Variants in ANKS1B observed in about 807,000 individuals in gnomAD.
ANKS1B encodes ankyrin repeat and sterile alpha motif domain-containing protein 1B.
In ANKS1B, 36 loss-of-function variants were observed where a neutral mutation model predicts 148.3. The ratio of observed to expected loss-of-function variants is 0.24; its 90% CI spans 0.19 to 0.32. The LOEUF (loss-of-function observed/expected upper bound fraction) is 0.32, where lower values mean the gene tolerates loss of function less well. Among genes scored for constraint, ANKS1B ranks in the 10% least tolerant of loss-of-function variants. The probability of loss-of-function intolerance (pLI) is 1.00; values close to 1 mark genes in which losing one functional copy is unlikely to be tolerated. For missense variants in ANKS1B, 1,157 were observed against 1,542.6 expected, an observed-to-expected ratio of 0.75 and a Z score of 4.19; for synonymous variants, 542 against 560.8, an observed-to-expected ratio of 0.97 and a Z score of 0.47.
At chr12:99,557,953 T>C (rs957917082) in intron 9 of ANKS1B, among the ~76,000 whole-genome samples, 4 of 152,194 alleles carry the variant, frequency 2.6e-5, no homozygotes, top group African/African-American at 9.6e-5. Context: ...TGCTGGGCTG[T>C]GTGCTCTAAC....
At chr12:99,557,294 T>C (rs548637918) in intron 9 of ANKS1B, among the ~76,000 whole-genome samples, 1 of 152,336 alleles carries the variant, frequency 6.6e-6, no homozygotes, top group South Asian at 2.1e-4. Context: ...CTCCCTCTCT[T>C]TCAGAGATGC....
intron 11 of ANKS1B, among the ~76,000 whole-genome samples, chr12:99,417,710 T>C (rs773370392): frequency 1.3e-5 from 2 of 152,284 alleles, no homozygotes; most frequent in South Asian, 4.1e-4. Context: ...TGAACATTTT[T>C]TTTCATCAGT....
At chr12:98,937,979 C>T (rs1567888494) in intron 17 of ANKS1B, among the ~76,000 whole-genome samples, 1 of 151,972 alleles carries the variant, frequency 6.6e-6, no homozygotes, top group Non-Finnish European at 1.5e-5. Context: ...ATCACTAGAG[C>T]AGCATGGGGG....
chr12:99,628,666 T>C (rs2098131438), intron 9 of ANKS1B, among the ~76,000 whole-genome samples: 1 of 152,192 alleles, frequency 6.6e-6, no homozygotes, highest in Non-Finnish European at 1.5e-5. Context: ...TAGAGATTTA[T>C]TTGGCTCACA....
At chr12:99,321,038 A>G (rs1450898961) in intron 12 of ANKS1B, among the ~76,000 whole-genome samples, 1 of 152,148 alleles carries the variant, frequency 6.6e-6, no homozygotes, top group Non-Finnish European at 1.5e-5. Context: ...AGAACGGCAC[A>G]TGTTGCTGCC....
At chr12:99,346,397 ACTCT>A (rs916189612) in intron 12 of ANKS1B, among the ~76,000 whole-genome samples, 1 of 149,156 alleles carries the variant, frequency 6.7e-6, no homozygotes, top group South Asian at 2.1e-4. Flanking sequence ...ACACACACAC[ACTCT>A]CTCTCTCTCT....
chr12:99,849,856 C>T lies in ANKS1B; in HGVS notation c.135-24467G>A, dbSNP rs144082870. Reference sequence around the variant, plus strand: ...GGGCACAACTGGGGTTTCTGAGATGCTAGCAATATTCTATTTCTTAATTTG... The same window carrying T: ...GGGCACAACTGGGGTTTCTGAGATGTTAGCAATATTCTATTTCTTAATTTG... On this transcript the variant is annotated intron_variant, in intron 1 of 26. Transcript: ENST00000683438. Among the ~76,000 whole-genome samples, 369 of 152,158 alleles carry T rather than the reference C, an allele frequency of 2.4e-3. 2 individuals are homozygous for T. Among genetic ancestry groups the T allele is most frequent in the African/African-American group, 8.4e-3 (348 of 41,546 alleles).
intron 11 of ANKS1B, among the ~76,000 whole-genome samples, chr12:99,401,007 A>G (rs2094389987): frequency 6.9e-6 from 1 of 145,494 alleles, no homozygotes; most frequent in Non-Finnish European, 1.5e-5. Context: ...AAAAATATAT[A>G]AGGTGTGTAA....
At chr12:99,447,641 G>A (rs2095656993) in intron 10 of ANKS1B, among the ~76,000 whole-genome samples, 1 of 151,978 alleles carries the variant, frequency 6.6e-6, no homozygotes, top group South Asian at 2.1e-4. Flanking sequence ...CACAGCAAAG[G>A]AACCAATGAA....
At chr12:99,915,832 T>C (rs1010843195) in intron 1 of ANKS1B, among the ~76,000 whole-genome samples, 3 of 152,192 alleles carry the variant, frequency 2.0e-5, no homozygotes, top group South Asian at 2.1e-4. Flanking sequence ...AAGGGCTGGG[T>C]GAATCTGTTC....
At chr12:98,983,438 A>C (rs2099918509) in intron 17 of ANKS1B, among the ~76,000 whole-genome samples, 1 of 152,164 alleles carries the variant, frequency 6.6e-6, no homozygotes. Context: ...GAGTTGGATA[A>C]AAGTCAATAT....
intron 15 of ANKS1B, among the ~76,000 whole-genome samples, chr12:99,145,154 A>G (rs2072581236): frequency 6.6e-6 from 1 of 152,150 alleles, no homozygotes; most frequent in Admixed American, 6.6e-5. Flanking sequence ...ATGGGAGGAC[A>G]GTGAAGGACA....
In ANKS1B at chr12:99,123,070, A is replaced by C. The variant is rs1012599587; in HGVS notation, c.2526+31219T>G. Reference sequence around the variant, plus strand: ...AACAAAAAACCAACAAAAAAACCCCAAAAAAACAAAAATAATTAAGATGCC... The same window carrying C: ...AACAAAAAACCAACAAAAAAACCCCCAAAAAACAAAAATAATTAAGATGCC... On this transcript the variant is annotated intron_variant, in intron 15 of 26. Transcript: ENST00000683438. Among the ~76,000 whole-genome samples, 55 of 150,906 alleles carry C rather than the reference A, an allele frequency of 3.6e-4. 1 individual carries two copies. Among genetic ancestry groups the C allele is most frequent in the South Asian group, 2.1e-3 (10 of 4,776 alleles).
intron 24 of ANKS1B, among the ~76,000 whole-genome samples, chr12:98,779,309 A>G (rs1272384188): frequency 1.3e-5 from 2 of 152,136 alleles, no homozygotes; most frequent in Non-Finnish European, 2.9e-5. Context: ...TCAGTAAGCA[A>G]CATACAATGG....
At chr12:98,748,053 G>A (rs1219545034) in intron 26 of ANKS1B, among the ~76,000 whole-genome samples, 1 of 152,172 alleles carries the variant, frequency 6.6e-6, no homozygotes, top group Non-Finnish European at 1.5e-5. Context: ...TAGGGTGACT[G>A]TAGTTAACAA....
Position 98,992,166 on chromosome 12 carries a change from C to T in ANKS1B, c.2778+60991G>A, listed in dbSNP as rs145554624. ...TGACATTCACCAAATTCTAGCCACA[C>T]GGACCTTCTTTGTGTTCCTCAAAAT... is the stretch of plus-strand genomic sequence containing the variant. On this transcript the variant is annotated intron_variant, in intron 17 of 26. Coordinates refer to ENST00000683438, the MANE Select transcript of ANKS1B (RefSeq NM_001352186.2). Among the ~76,000 whole-genome samples, 503 of 152,250 alleles carry T rather than the reference C, an allele frequency of 3.3e-3. 4 individuals are homozygous for T. Among genetic ancestry groups the T allele is most frequent in the African/African-American group, 0.011 (469 of 41,536 alleles).
chr12:98,848,817 T>C (rs183906), intron 17 of ANKS1B, among the ~76,000 whole-genome samples: 126,753 of 142,814 alleles, frequency 0.89, 56,326 homozygotes, highest in East Asian at 1. Context: ...TGGCTCACTG[T>C]GACCTCCGCC....
chr12:99,382,479 G>A (rs569561207), intron 12 of ANKS1B, among the ~76,000 whole-genome samples: 2 of 152,136 alleles, frequency 1.3e-5, no homozygotes, highest in Non-Finnish European at 2.9e-5. Flanking sequence ...AAGGTGGGTA[G>A]ATCACTTGAG....
At chr12:99,307,632 G>T (rs967652128) in intron 12 of ANKS1B, among the ~76,000 whole-genome samples, 28 of 151,948 alleles carry the variant, frequency 1.8e-4, no homozygotes, top group Non-Finnish European at 4.4e-5. Flanking sequence ...ATAGGGGAGG[G>T]AGTTGGGTAG....
Sources: gnomAD v4.1 joint callset for allele counts (sites outside exome capture counted in the v4.1 genomes callset) on GRCh38, gnomAD v4.1.1 for gene constraint, MANE v1.5 for transcripts, NCBI Gene and HGNC (gene_info 2026-07-23, HGNC 2026-07-21) for gene names.